CLCA1: variants seen among roughly 807,000 people sequenced by gnomAD.
CLCA1 encodes calcium-activated chloride channel regulator 1.
Under a neutral mutation model 85.6 loss-of-function variants are expected in CLCA1, and 59 were observed. The ratio of observed to expected loss-of-function variants is 0.69; its 90% CI spans 0.56 to 0.86. The LOEUF (loss-of-function observed/expected upper bound fraction) is 0.86. CLCA1 is among the 40% of genes least tolerant of loss of function. The probability of loss-of-function intolerance (pLI) is 0.00; values close to 1 mark genes in which losing one functional copy is unlikely to be tolerated. For synonymous variants in CLCA1, 396 were observed against 398.3 expected, an observed-to-expected ratio of 0.99 and a Z score of 0.07; for missense variants, 1,022 against 1,101.4, an observed-to-expected ratio of 0.93 and a Z score of 1.02.
At chr1:86,495,038 T>TAAA (rs35628188) in intron 11 of CLCA1, among the ~76,000 whole-genome samples, 2 of 136,916 alleles carry the variant, frequency 1.5e-5, no homozygotes, top group East Asian at 2.1e-4. Flanking sequence ...TTCTACAGTT[T>TAAA]AAAAAAAAAA....
At chr1:86,483,673 A>G (rs1402505533) in intron 5 of CLCA1, among the ~76,000 whole-genome samples, 1 of 152,168 alleles carries the variant, frequency 6.6e-6, no homozygotes, top group Non-Finnish European at 1.5e-5. Flanking sequence ...AACTATCACT[A>G]TTTTGTAGAT....
chr1:86,484,796 G>A (rs1647918192), intron 5 of CLCA1, among the ~76,000 whole-genome samples: 1 of 152,132 alleles, frequency 6.6e-6, no homozygotes, highest in Admixed American at 6.5e-5. Flanking sequence ...GTGATGGGGT[G>A]CATAGTGGTG....
chr1:86,471,097 G>A (rs1022054954), intron 1 of CLCA1, among the ~76,000 whole-genome samples: 25 of 152,014 alleles, frequency 1.6e-4, no homozygotes, highest in Admixed American at 3.3e-4. Context: ...GCACAAGCTC[G>A]TGTGCACACA....
chr1:86,479,609 G>T (rs945903411), intron 4 of CLCA1, among the ~76,000 whole-genome samples: 1 of 152,094 alleles, frequency 6.6e-6, no homozygotes, highest in African/African-American at 2.4e-5. Flanking sequence ...TGTGAGCCAG[G>T]GCACAGTGGC....
At chr1:86,483,221 T>C (rs757407057) in intron 5 of CLCA1, among the ~76,000 whole-genome samples, 3 of 152,146 alleles carry the variant, frequency 2.0e-5, no homozygotes, top group Non-Finnish European at 2.9e-5. Flanking sequence ...GAGGCCCAGA[T>C]TATATATTTT....
At chr1:86,484,636 C>T (rs775337406) in intron 5 of CLCA1, among the ~76,000 whole-genome samples, 1 of 152,136 alleles carries the variant, frequency 6.6e-6, no homozygotes, top group African/African-American at 2.4e-5. Flanking sequence ...AAACTGCAAT[C>T]GTCTGAGGGA....
chr1:86,469,957 T>C (rs1410644688), intron 1 of CLCA1, among the ~76,000 whole-genome samples: 1 of 152,214 alleles, frequency 6.6e-6, no homozygotes, highest in African/African-American at 2.4e-5. Flanking sequence ...GTGGAGTATG[T>C]AAGAATACGG....
chr1:86,470,669 G>T (rs557627881), intron 1 of CLCA1, among the ~76,000 whole-genome samples: 1 of 152,256 alleles, frequency 6.6e-6, no homozygotes, highest in South Asian at 2.1e-4. Flanking sequence ...GAGATAAGTT[G>T]GCTTCCATCA....
chr1:86,473,437 T>A lies in CLCA1; in HGVS notation c.183T>A (p.Ser61=). The part of the protein sequence containing the change: ...QQIKDMVTQA[S]LYLLEATGKR... ...CCCAGGACATGGTGACCCAGGCATC[T>A]CTGTATCTGCTTGAAGCTACAGGAA... Residue 61 remains serine (S), a synonymous_variant, in exon 2 of 14, where the codon TCT becomes TCA. Transcript: ENST00000394711. 6.3e-7 allele frequency: 1 copy of A among 1,597,708 alleles called. No homozygotes were observed. The highest frequency in any genetic ancestry group is 1.1e-5 in the South Asian group (1 of 89,126).
chr1:86,494,114 G>T, intron 10 of CLCA1, 73 bp from the exon 11 acceptor site: 5 of 1,544,292 alleles, frequency 3.2e-6, no homozygotes, highest in Non-Finnish European at 4.4e-6. Context: ...GGGTTTTCCC[G>T]TACGTGACAT....
At chr1:86,480,699 G>A (rs539408958) in intron 4 of CLCA1, among the ~76,000 whole-genome samples, 2 of 152,310 alleles carry the variant, frequency 1.3e-5, no homozygotes, top group South Asian at 4.1e-4. Context: ...CTAGTAATGA[G>A]AGATGTAAAT....
At position 86,495,556 on chromosome 1, in the gene CLCA1, A is replaced by G. The variant is rs200020132; in HGVS notation, c.1994A>G (p.Tyr665Cys). The G allele has an allele frequency of 1.2e-6, 2 of 1,614,106 alleles. No homozygotes were observed. Among genetic ancestry groups the G allele is most frequent in the South Asian group, 1.1e-5 (1 of 91,076 alleles). ...DGVYSRYFTT[Y>C]DTNGRYSVKV... is the part of the protein sequence containing the mutation. The stretch of plus-strand genomic sequence containing the variant: ...GTCTACTCAAGGTATTTCACAACTT[A>G]TGACACGAATGGTAGATACAGTGTA... Residue 665 changes from tyrosine (Y) to cysteine (C), a missense_variant, in exon 12 of 14, where the codon TAT becomes TGT. Tyr to Cys is a radical substitution (Grantham distance 194). Transcript: ENST00000394711.
rs752845056 is a variant in CLCA1, at chr1:86,473,681, T to C, written c.304-48T>C. The C allele has an allele frequency of 2.0e-6, 3 of 1,528,598 alleles. No homozygotes were observed. In the Admixed American group the frequency reaches 6.1e-5, roughly 31 times the overall value. 94.7% of individuals were successfully genotyped at this position (1,528,598 alleles called of 1,614,324 possible). Reference sequence around the variant, plus strand: ...TTACTCCAGTACGAATATGGTTAATTCATTTGCTGAAACTTTGTGATGATA... The same window carrying C: ...TTACTCCAGTACGAATATGGTTAATCCATTTGCTGAAACTTTGTGATGATA... On this transcript the variant is annotated intron_variant, in intron 2 of 13. Transcript: ENST00000394711.
At chr1:86,474,897 T>C (rs1349022689) in intron 3 of CLCA1, among the ~76,000 whole-genome samples, 1 of 152,284 alleles carries the variant, frequency 6.6e-6, no homozygotes, top group East Asian at 1.9e-4. Flanking sequence ...AAAAAAGATT[T>C]GGATCCCCTA....
chr1:86,494,458 C>A lies in CLCA1; in HGVS notation c.1942+10C>A. 1 of 1,612,056 alleles carries A rather than the reference C, an allele frequency of 6.2e-7. No individual in the cohort carries two copies. The highest frequency in any genetic ancestry group is 1.1e-5 in the South Asian group (1 of 91,000). ...CTGGATAATGGAGCAGGTAATCACCCAAGAAATTGGAAGATATTTATTTCT... is the reference window on the plus strand; with the variant it reads ...CTGGATAATGGAGCAGGTAATCACCAAAGAAATTGGAAGATATTTATTTCT... On this transcript the variant is annotated intron_variant, in intron 11 of 13. Transcript: ENST00000394711.
intron 4 of CLCA1, among the ~76,000 whole-genome samples, chr1:86,481,562 T>A (rs2101734809): frequency 6.6e-6 from 1 of 152,316 alleles, no homozygotes; most frequent in Admixed American, 6.5e-5. Flanking sequence ...GAAAAATGCT[T>A]CAACTTGGTA....
chr1:86,483,986 GGA>G (rs528217120), intron 5 of CLCA1, among the ~76,000 whole-genome samples: 64 of 152,312 alleles, frequency 4.2e-4, no homozygotes, highest in African/African-American at 9.9e-4. Context: ...CGAGGTGGCA[GGA>G]GAGAGAGAAT....
chr1:86,473,637 A>G, intron 2 of CLCA1, 80 bp downstream of exon 2: 1 of 1,502,672 alleles, frequency 6.7e-7, no homozygotes, highest in Non-Finnish European at 9.1e-7. Context: ...TTCTAGAATC[A>G]AATGTGATTG....
At position 86,473,891 on chromosome 1, in the gene CLCA1, A is replaced by G. The variant is rs1321078562; in HGVS notation, c.451+15A>G. The stretch of plus-strand genomic sequence containing the variant: ...TGGACCACAAGGTATGAAATATTCT[A>G]CCATACTTCTCATACAATTTAACTA... On this transcript the variant is annotated intron_variant, in intron 3 of 13. Transcript: ENST00000394711. 2 of 1,573,282 alleles carry G rather than the reference A, an allele frequency of 1.3e-6. No individual in the cohort carries two copies. Among genetic ancestry groups the G allele is most frequent in the Admixed American group, 1.8e-5 (1 of 54,998 alleles).
Sources: allele counts gnomAD v4.1 joint callset (sites outside exome capture counted in the v4.1 genomes callset), GRCh38; gene constraint gnomAD v4.1.1; transcripts MANE v1.5; gene names NCBI Gene and HGNC (gene_info 2026-07-23, HGNC 2026-07-21).